SORCS2: variants seen among roughly 807,000 people sequenced by gnomAD.
SORCS2 encodes VPS10 domain-containing receptor SorCS2.
In SORCS2, 100 loss-of-function variants were observed where a neutral mutation model predicts 141.6. That is an observed-to-expected ratio of 0.71 (90% CI 0.60 to 0.83). The LOEUF is 0.83. Among genes scored for constraint, SORCS2 ranks in the 40% least tolerant of loss-of-function variants. The pLI, the probability that SORCS2 is intolerant of heterozygous loss-of-function variation, is 0.00. For synonymous variants in SORCS2, 789 were observed against 676.9 expected (o/e 1.17, Z -2.57); for missense variants, 1,646 against 1,560.2 (o/e 1.05, Z -0.93).
chr4:7,703,020 C>G (rs919279390), intron 12 of SORCS2, among the ~76,000 whole-genome samples: 1 of 152,248 alleles, frequency 6.6e-6, no homozygotes, highest in African/African-American at 2.4e-5. Context: ...GCGTGCTGTG[C>G]TCATTTGCAG....
chr4:7,669,704 AC>A (rs1722687456), intron 8 of SORCS2, among the ~76,000 whole-genome samples: 1 of 152,106 alleles, frequency 6.6e-6, no homozygotes, highest in African/African-American at 2.4e-5. Context: ...CAGGGGACTC[AC>A]CCGCAAACCT....
chr4:7,389,394 C>T (rs75101477), intron 1 of SORCS2, among the ~76,000 whole-genome samples: 19,719 of 152,036 alleles, frequency 0.13, 1,820 homozygotes, highest in East Asian at 0.49. Context: ...GAGACTCAGG[C>T]CGGCCACTGC....
rs112233815 is a variant in SORCS2 at position 7,468,085 on chromosome 4, A to G, written c.549-63445A>G. 8.8e-3 allele frequency among the ~76,000 whole-genome samples: 1,343 copies of G among 152,240 alleles called. 15 individuals are homozygous for G. Among genetic ancestry groups the G allele is most frequent in the Non-Finnish European group, 0.014 (956 of 68,012 alleles). On this transcript the variant is annotated intron_variant, in intron 2 of 26. Coordinates refer to ENST00000507866, the MANE Select transcript of SORCS2 (RefSeq NM_020777.3). ...GCCCCCAGCTCCCGCATCTGTTTCC[A>G]TCTCAACTGTCCCCTGCAAGGCACA...
intron 1 of SORCS2, among the ~76,000 whole-genome samples, chr4:7,210,024 G>A (rs545299788): frequency 2.5e-4 from 38 of 152,344 alleles, no homozygotes; most frequent in Admixed American, 7.2e-4. Flanking sequence ...TGACTTGGGG[G>A]CCCCAGGGCA....
chr4:7,554,277 G>A (rs1040658001), intron 3 of SORCS2, among the ~76,000 whole-genome samples: 5 of 152,220 alleles, frequency 3.3e-5, no homozygotes, highest in Admixed American at 1.3e-4. Flanking sequence ...AGGATTGACT[G>A]TGATGAACCC....
intron 3 of SORCS2, among the ~76,000 whole-genome samples, chr4:7,571,553 G>T (rs536301545): frequency 1.3e-5 from 2 of 152,258 alleles, no homozygotes; most frequent in Non-Finnish European, 2.9e-5. Context: ...ACTACTATGA[G>T]AAATGGAAAG....
intron 3 of SORCS2, among the ~76,000 whole-genome samples, chr4:7,628,980 A>G (rs1342644257): frequency 6.6e-6 from 1 of 152,100 alleles, no homozygotes; most frequent in African/African-American, 2.4e-5. Context: ...GCCCACTTAG[A>G]TGGTGTGCTG....
At chr4:7,391,894 G>A (rs938910824) in intron 1 of SORCS2, among the ~76,000 whole-genome samples, 1 of 152,164 alleles carries the variant, frequency 6.6e-6, no homozygotes, top group African/African-American at 2.4e-5. Flanking sequence ...TAAAATCGGG[G>A]TGCCCTGCAG....
chr4:7,707,557 C>T (rs1185547672), intron 14 of SORCS2, among the ~76,000 whole-genome samples: 1 of 152,224 alleles, frequency 6.6e-6, no homozygotes, highest in East Asian at 1.9e-4. Flanking sequence ...CCCAGAAGGG[C>T]CTTCCCTGCC....
intron 1 of SORCS2, among the ~76,000 whole-genome samples, chr4:7,321,771 G>C (rs914377579): frequency 2.6e-5 from 4 of 152,178 alleles, no homozygotes; most frequent in Admixed American, 1.3e-4. Context: ...GGGACAGCTG[G>C]GGCATATCTC....
chr4:7,273,361 C>A (rs532093661), intron 1 of SORCS2, among the ~76,000 whole-genome samples: 193 of 152,310 alleles, frequency 1.3e-3, no homozygotes, highest in Non-Finnish European at 2.1e-3. Context: ...CTCGGTCCTC[C>A]CTCTGTCTTG....
chr4:7,600,698 C>T lies in SORCS2; in HGVS notation c.649-37630C>T, dbSNP rs550567211. On this transcript the variant is annotated intron_variant, in intron 3 of 26. Transcript: ENST00000507866. ...ACACACACACACACACACACACACACGATTAAAATGCTATATATTATGTAT... is the reference window on the plus strand; with the variant it reads ...ACACACACACACACACACACACACATGATTAAAATGCTATATATTATGTAT... Among the ~76,000 whole-genome samples the T allele has an allele frequency of 6.5e-5, 9 of 138,348 alleles. No individual in the cohort carries two copies. In the East Asian group the frequency reaches 1.7e-3, roughly 27 times the overall value. 90.8% of individuals were successfully genotyped at this position (138,348 alleles called of 152,430 possible). A position where few individuals can be genotyped will look rare whatever the true frequency, so the allele number is the denominator to read the frequency against.
intron 8 of SORCS2, among the ~76,000 whole-genome samples, 171 bp downstream of exon 8, chr4:7,667,384 C>T (rs573679876): frequency 2.0e-5 from 3 of 152,304 alleles, no homozygotes; most frequent in Non-Finnish European, 4.4e-5. Context: ...CCATTCCAGC[C>T]CACCCAGCCC....
chr4:7,654,067 CCT>C, intron 4 of SORCS2, 65 bp from the exon 5 acceptor site: 2 of 1,384,522 alleles, frequency 1.4e-6, no homozygotes, highest in East Asian at 2.5e-5. Flanking sequence ...AAGACATCAC[CCT>C]CTCTCAGAAG....
intron 1 of SORCS2, among the ~76,000 whole-genome samples, chr4:7,204,923 C>T (rs544469770): frequency 9.8e-5 from 15 of 152,356 alleles, no homozygotes; most frequent in African/African-American, 3.1e-4. Context: ...AACCGTTTGC[C>T]TTCCAAGTTC....
At chr4:7,379,452 A>G (rs763254908) in intron 1 of SORCS2, among the ~76,000 whole-genome samples, 1 of 152,198 alleles carries the variant, frequency 6.6e-6, no homozygotes, top group African/African-American at 2.4e-5. Context: ...GGGGCGCCCC[A>G]TCGTGTGAGT....
intron 1 of SORCS2, among the ~76,000 whole-genome samples, chr4:7,221,842 AT>A (rs543362154): frequency 6.6e-6 from 1 of 152,112 alleles, no homozygotes; most frequent in Non-Finnish European, 1.5e-5. Flanking sequence ...TTTAAGGAGT[AT>A]TTTCTGAGTG....
At chr4:7,702,164 G>A (rs1225452950) in intron 12 of SORCS2, among the ~76,000 whole-genome samples, 2 of 152,188 alleles carry the variant, frequency 1.3e-5, no homozygotes, top group African/African-American at 4.8e-5. Flanking sequence ...GTCTGCCTGG[G>A]GTGGCTGTCC....
At chr4:7,449,663 G>C (rs913660428) in intron 2 of SORCS2, among the ~76,000 whole-genome samples, 3 of 151,888 alleles carry the variant, frequency 2.0e-5, no homozygotes, top group Admixed American at 2.0e-4. Context: ...CTCTGTGCAA[G>C]GTCCTCCGGA....
Sources: allele counts gnomAD v4.1 joint callset (sites outside exome capture counted in the v4.1 genomes callset), GRCh38; gene constraint gnomAD v4.1.1; transcripts MANE v1.5; gene names NCBI Gene and HGNC (gene_info 2026-07-23, HGNC 2026-07-21).